Variants in ZNF469 observed in about 807,000 individuals in gnomAD.
ZNF469 encodes the protein zinc finger protein 469.
A neutral mutation model predicts 1.0 loss-of-function variants in ZNF469; 1 was observed. That is an observed-to-expected ratio of 1.00 (90% CI 0.35 to 4.73). The LOEUF (loss-of-function observed/expected upper bound fraction) is 4.73. Among genes scored for constraint, ZNF469 ranks in the 30% most tolerant of loss-of-function variants. The pLI, the probability that ZNF469 is intolerant of heterozygous loss-of-function variation, is 0.16. For missense variants in ZNF469, 6,100 were observed against 5,356.3 expected (o/e 1.14, Z -4.33); for synonymous variants, 2,703 against 2,363.4 (o/e 1.14, Z -4.17).
At chr16:88,199,112 T>C in the ZNF469 span, among the ~76,000 whole-genome samples, 1 of 151,784 alleles carries the variant, frequency 6.6e-6, no homozygotes, top group Non-Finnish European at 1.5e-5. Context: ...TGGCAGGAGA[T>C]GTCAGACCGC....
chr16:88,262,538 TC>T, the ZNF469 span, among the ~76,000 whole-genome samples: 2 of 152,134 alleles, frequency 1.3e-5, no homozygotes, highest in Non-Finnish European at 2.9e-5. This position sits in a 1 kb window ranked among gnomAD's most constrained non-coding sequence, Gnocchi z 4.3. Context: ...TGTCTAGGGC[TC>T]TGGGGCAGCT....
the ZNF469 span, among the ~76,000 whole-genome samples, chr16:88,294,275 A>G: frequency 3.9e-5 from 6 of 152,214 alleles, no homozygotes; most frequent in Non-Finnish European, 8.8e-5. Context: ...CCACTGCCCA[A>G]GGTAGGCTCG....
At position 88,433,582 on chromosome 16, in the gene ZNF469, A is replaced by G. The variant is rs1308603977; in HGVS notation, c.6112A>G (p.Lys2038Glu). 1.4e-5 allele frequency: 21 copies of G among 1,550,188 alleles called. No homozygotes were observed. Among genetic ancestry groups the G allele is most frequent in the Admixed American group, 2.0e-5 (1 of 50,984 alleles). The change falls in exon 3 of 3, where the codon AAA becomes GAA. Residue 2038 changes from lysine (K) to glutamate (E), a missense_variant. Lys to Glu is a moderately conservative substitution (Grantham distance 56). Transcript: ENST00000565624. ...GPTEGAVLLE[K>E]CKGSRAAMSL... ...CACCGAGGGTGCAGTCCTGCTAGAG[A>G]AATGCAAGGGAAGCAGGGCAGCCAT...
chr16:88,305,359 T>G, the ZNF469 span, among the ~76,000 whole-genome samples: 1 of 63,658 alleles, frequency 1.6e-5, no homozygotes, highest in Non-Finnish European at 3.2e-5. Flanking sequence ...TGCACACACA[T>G]GCTCACAGGC....
rs1224373284 is a variant in ZNF469 at position 88,439,509 on chromosome 16, A to G, written c.*177A>G. The G allele has an allele frequency of 1.4e-6, 1 of 711,918 alleles. No homozygotes were observed. The highest frequency in any genetic ancestry group is 2.3e-6 in the Non-Finnish European group (1 of 430,986). 44.1% of individuals were successfully genotyped at this position (711,918 alleles called of 1,614,324 possible). On this transcript the variant is annotated 3_prime_UTR_variant, in exon 3 of 3. Transcript: ENST00000565624. ...TGCTTTGAACAGGGCCCAGGTGGGC[A>G]GCATTCCCTTTCTTGCTGGAAGGCT...
the ZNF469 span, among the ~76,000 whole-genome samples, chr16:88,169,085 G>C: frequency 4.4e-3 from 677 of 152,270 alleles, 1 homozygote; most frequent in African/African-American, 0.013. This position sits in a 1 kb window ranked among gnomAD's most constrained non-coding sequence, Gnocchi z 6.1. Flanking sequence ...CCAGGGGACA[G>C]GCCGGAAGTG....
chr16:88,297,782 T>C, the ZNF469 span, among the ~76,000 whole-genome samples: 1 of 152,200 alleles, frequency 6.6e-6, no homozygotes, highest in Non-Finnish European at 1.5e-5. Context: ...CTCCAGAACC[T>C]TCACTTAGTC....
At chr16:88,151,625 T>C in the ZNF469 span, among the ~76,000 whole-genome samples, 1 of 152,226 alleles carries the variant, frequency 6.6e-6, no homozygotes, top group East Asian at 1.9e-4. The surrounding 1 kb of genome is among the most constrained non-coding windows in gnomAD (Gnocchi z 5.4). Context: ...TCCGTGTGGA[T>C]TGGTAGGCAC....
At chr16:88,210,153 C>T in the ZNF469 span, among the ~76,000 whole-genome samples, 3 of 152,050 alleles carry the variant, frequency 2.0e-5, no homozygotes, top group African/African-American at 7.3e-5. Context: ...GATATTGAGC[C>T]ATTTGTTCAT....
At chr16:88,413,826 A>AGT (rs778559620) in intron 1 of ZNF469, among the ~76,000 whole-genome samples, 40 of 152,306 alleles carry the variant, frequency 2.6e-4, no homozygotes, top group Non-Finnish European at 5.3e-4. Context: ...CCTCCGCAGC[A>AGT]GTGGGGAGAG....
chr16:88,327,527 C>T, the ZNF469 span, among the ~76,000 whole-genome samples: 3 of 152,102 alleles, frequency 2.0e-5, no homozygotes, highest in Non-Finnish European at 2.9e-5. Flanking sequence ...CAGGCCTGTG[C>T]CATCCTCAAC....
In ZNF469 at chr16:88,436,152, C is replaced by T. The variant is rs1361983771; in HGVS notation, c.8682C>T (p.Ser2894=). 1.3e-6 allele frequency: 2 copies of T among 1,548,088 alleles called. No individual in the cohort carries two copies. The highest frequency in any genetic ancestry group is 2.0e-5 in the Admixed American group (1 of 51,012). ...TGCTCCCGCTGCCAACCCAGCCCAG[C>T]TTTGAGGAGGGCGGTGACCCCACGC... ...KPVLPLPTQP[S]FEEGGDPTLG... Residue 2894 remains serine, a synonymous_variant, in exon 3 of 3, where the codon AGC becomes AGT. Coordinates refer to ENST00000565624, the MANE Select transcript of ZNF469 (RefSeq NM_001367624.2).
At chr16:88,220,981 A>T in the ZNF469 span, among the ~76,000 whole-genome samples, 2 of 151,854 alleles carry the variant, frequency 1.3e-5, no homozygotes, top group African/African-American at 4.8e-5. Context: ...AGTAAGCACC[A>T]CCCTACACCC....
Position 88,438,277 on chromosome 16 carries a change from C to T in ZNF469, c.10807C>T (p.Arg3603Trp), listed in dbSNP as rs1424675655. Residue 3603 changes from arginine to tryptophan, a missense_variant, in exon 3 of 3, where the codon CGG (arginine) becomes TGG (tryptophan). Physicochemically the swap from Arg to Trp is moderately radical, Grantham distance 101 (BLOSUM62 -3). Coordinates refer to ENST00000565624, the MANE Select transcript of ZNF469 (RefSeq NM_001367624.2). ...TCTCCCTCTGGGGGCATCTCTGCCG[C>T]GGCCGGGAGCCAGAGGCCAAGATGC... ...QALPLGASLP[R>W]PGARGQDAEG... 3.2e-6 allele frequency: 5 copies of T among 1,548,080 alleles called. No individual in the cohort carries two copies. Among genetic ancestry groups the T allele is most frequent in the Admixed American group, 3.9e-5 (2 of 50,950 alleles).
At chr16:88,179,982 C>T in the ZNF469 span, among the ~76,000 whole-genome samples, 1 of 152,212 alleles carries the variant, frequency 6.6e-6, no homozygotes, top group Non-Finnish European at 1.5e-5. Context: ...ATAAGCCCTA[C>T]TGCAACCATG....
At chr16:88,208,492 G>T in the ZNF469 span, among the ~76,000 whole-genome samples, 1 of 107,060 alleles carries the variant, frequency 9.3e-6, no homozygotes, top group African/African-American at 3.7e-5. Context: ...GAGGGAGGGA[G>T]AGAAAGGGAG....
the ZNF469 span, among the ~76,000 whole-genome samples, chr16:88,132,294 C>T: frequency 1.2e-3 from 190 of 152,340 alleles, no homozygotes; most frequent in South Asian, 0.028. Flanking sequence ...GGGACGGACG[C>T]TCTCTCTGTC....
the ZNF469 span, among the ~76,000 whole-genome samples, chr16:88,164,013 G>A: frequency 6.6e-6 from 1 of 150,540 alleles, no homozygotes; most frequent in African/African-American, 2.5e-5. Flanking sequence ...ATATGGATGG[G>A]TAGATGGATG....
At chr16:88,161,479 G>T in the ZNF469 span, among the ~76,000 whole-genome samples, 2 of 152,222 alleles carry the variant, frequency 1.3e-5, no homozygotes, top group East Asian at 3.8e-4. Context: ...AACTGACACT[G>T]AATGAAAACA....
Sources: allele counts gnomAD v4.1 joint callset (sites outside exome capture counted in the v4.1 genomes callset), GRCh38; gene constraint gnomAD v4.1.1; non-coding constraint Gnocchi (gnomAD v3.1); transcripts MANE v1.5; gene names NCBI Gene and HGNC (gene_info 2026-07-23, HGNC 2026-07-21).